The following IGF1R variants were observed in gnomAD, a reference collection of about 807,000 sequenced individuals.
The protein encoded by IGF1R is insulin like growth factor 1 receptor.
Under a neutral mutation model 144.6 loss-of-function variants are expected in IGF1R, and 44 were observed. The observed-to-expected ratio is 0.30, with a 90% CI of 0.24 to 0.39. IGF1R has a LOEUF of 0.39. Among genes scored for constraint, IGF1R ranks in the 10% least tolerant of loss-of-function variants. The pLI, the probability that IGF1R is intolerant of heterozygous loss-of-function variation, is 1.00. For missense variants in IGF1R, 1,355 were observed against 1,833.7 expected (o/e 0.74, Z 4.77); for synonymous variants, 795 against 722.8 (o/e 1.10, Z -1.60).
chr15:98,822,568 G>A (rs2141481356), intron 2 of IGF1R, among the ~76,000 whole-genome samples: 1 of 152,318 alleles, frequency 6.6e-6, no homozygotes, highest in Admixed American at 6.5e-5. Flanking sequence ...CTCGGCTTCT[G>A]GTTGGTTGGG....
At chr15:98,761,333 G>C (rs754128224) in intron 2 of IGF1R, among the ~76,000 whole-genome samples, 4 of 152,228 alleles carry the variant, frequency 2.6e-5, no homozygotes, top group Non-Finnish European at 5.9e-5. Context: ...GGGGCAGAGA[G>C]GGAGGGAGAA....
intron 2 of IGF1R, among the ~76,000 whole-genome samples, chr15:98,858,560 A>G (rs1051783696): frequency 7.9e-5 from 12 of 152,216 alleles, no homozygotes; most frequent in East Asian, 1.9e-4. Flanking sequence ...AATAACATCA[A>G]TCCACCCAAG....
At chr15:98,921,612 G>A (rs1021400007) in intron 10 of IGF1R, among the ~76,000 whole-genome samples, 4 of 152,028 alleles carry the variant, frequency 2.6e-5, no homozygotes, top group African/African-American at 4.8e-5. Flanking sequence ...CCTGGGGTCC[G>A]TGGAACTGCT....
chr15:98,795,718 T>G (rs570709881), intron 2 of IGF1R, among the ~76,000 whole-genome samples: 1 of 152,344 alleles, frequency 6.6e-6, no homozygotes, highest in Admixed American at 6.5e-5. Context: ...GCCTATTATG[T>G]GTTTCTTATA....
chr15:98,722,124 A>G (rs2054260462), intron 2 of IGF1R, among the ~76,000 whole-genome samples: 1 of 152,128 alleles, frequency 6.6e-6, no homozygotes, highest in African/African-American at 2.4e-5. Context: ...GTTTTGTGCA[A>G]GTCTCATGCT....
At chr15:98,934,550 A>G (rs112679177) in intron 15 of IGF1R, among the ~76,000 whole-genome samples, 2 of 152,144 alleles carry the variant, frequency 1.3e-5, no homozygotes, top group Non-Finnish European at 2.9e-5. Flanking sequence ...CCTATACTAG[A>G]CTTCCTTGCT....
intron 2 of IGF1R, among the ~76,000 whole-genome samples, chr15:98,865,427 C>T (rs2012376842): frequency 6.6e-6 from 1 of 152,180 alleles, no homozygotes; most frequent in Non-Finnish European, 1.5e-5. Context: ...GCTCCTGCAG[C>T]CGCCAAGGAG....
In IGF1R at chr15:98,869,524, C is replaced by T. The variant is rs1042126605; in HGVS notation, c.641-21801C>T. Among the ~76,000 whole-genome samples the T allele has an allele frequency of 1.4e-4, 21 of 151,982 alleles. 1 individual carries two copies. Among genetic ancestry groups the T allele is most frequent in the Non-Finnish European group, 2.5e-4 (17 of 68,016 alleles). On this transcript the variant is annotated intron_variant, in intron 2 of 20. Transcript: ENST00000650285. ...ATCTCCGGCTCACCGCAACCTCCAC[C>T]TCTCGGGTTCAAGCGATTCTCCTGC...
At chr15:98,843,801 T>G (rs1275263011) in intron 2 of IGF1R, among the ~76,000 whole-genome samples, 1 of 152,218 alleles carries the variant, frequency 6.6e-6, no homozygotes, top group Admixed American at 6.5e-5. Flanking sequence ...TCTATTAAAT[T>G]AACAGTTGCT....
Position 98,649,429 on chromosome 15 carries a change from T to C in IGF1R, c.-153T>C, listed in dbSNP as rs2052284040. The C allele has an allele frequency of 4.2e-6, 2 of 474,170 alleles. No homozygotes were observed. The highest frequency in any genetic ancestry group is 4.1e-5 in the African/African-American group (2 of 48,370). The allele number at this position is 474,170 out of a possible 1,614,324, so 29.4% of individuals were successfully genotyped here. On this transcript the variant is annotated 5_prime_UTR_variant, in exon 1 of 21. Transcript: ENST00000650285. ...CCCGGAGGGCCCCGGCGGCGCCGCCTTCGGAGTATTGTTTCCTTCGCCCTT... is the reference window on the plus strand; with the variant it reads ...CCCGGAGGGCCCCGGCGGCGCCGCCCTCGGAGTATTGTTTCCTTCGCCCTT...
chr15:98,857,778 G>A (rs1320328790), intron 2 of IGF1R, among the ~76,000 whole-genome samples: 1 of 152,162 alleles, frequency 6.6e-6, no homozygotes, highest in Non-Finnish European at 1.5e-5. Context: ...GGACATCACA[G>A]ATCTAACACA....
rs1462865483 is a variant in IGF1R at position 98,852,771 on chromosome 15, TTC to T, written c.641-38547_641-38546del. Among the ~76,000 whole-genome samples the T allele has an allele frequency of 2.6e-5, 4 of 152,274 alleles. No homozygotes were observed. In the South Asian group the frequency reaches 6.2e-4, roughly 24 times the overall value. ...CGTTTCCCTCCATGTCTGTTTTCCCTTCTCTCTCACCGTGGCCATTACGGGCT... is the reference window on the plus strand; with the variant it reads ...CGTTTCCCTCCATGTCTGTTTTCCCTTCTCTCACCGTGGCCATTACGGGCT... On this transcript the variant is annotated intron_variant, in intron 2 of 20. Transcript: ENST00000650285.
intron 2 of IGF1R, among the ~76,000 whole-genome samples, chr15:98,785,173 C>T (rs2055962453): frequency 2.0e-5 from 3 of 152,180 alleles, no homozygotes; most frequent in African/African-American, 4.8e-5. Context: ...CAGTAATTAA[C>T]CTCCAAATCA....
chr15:98,750,193 T>C (rs1164283624), intron 2 of IGF1R, among the ~76,000 whole-genome samples: 1 of 151,736 alleles, frequency 6.6e-6, no homozygotes, highest in Non-Finnish European at 1.5e-5. Flanking sequence ...CTGAAAGAGC[T>C]GAGAAAGGCC....
intron 19 of IGF1R, among the ~76,000 whole-genome samples, chr15:98,947,608 A>G (rs2016600973): frequency 6.6e-6 from 1 of 152,224 alleles, no homozygotes. Flanking sequence ...TGTTTTGCAG[A>G]TTCCAGCATT....
chr15:98,796,840 C>G (rs1413813772), intron 2 of IGF1R, among the ~76,000 whole-genome samples: 1 of 152,178 alleles, frequency 6.6e-6, no homozygotes, highest in African/African-American at 2.4e-5. Flanking sequence ...CAGCCTGGCA[C>G]AAAGCAGGGC....
intron 2 of IGF1R, among the ~76,000 whole-genome samples, chr15:98,828,778 T>C (rs1260082661): frequency 1.3e-5 from 2 of 151,768 alleles, no homozygotes; most frequent in Non-Finnish European, 1.5e-5. Flanking sequence ...AGCATGGTTT[T>C]TTTTTTTTTT....
intron 20 of IGF1R, among the ~76,000 whole-genome samples, chr15:98,951,300 T>C (rs2016764623): frequency 6.6e-6 from 1 of 152,210 alleles, no homozygotes; most frequent in African/African-American, 2.4e-5. Flanking sequence ...ACAGATGCAG[T>C]GGCACTGGGT....
chr15:98,949,110 T>C (rs2151727389), intron 20 of IGF1R, among the ~76,000 whole-genome samples: 1 of 152,304 alleles, frequency 6.6e-6, no homozygotes, highest in South Asian at 2.1e-4. Context: ...GCGCCCCACC[T>C]GTGGCAGGCC....
Sources: allele counts gnomAD v4.1 joint callset (sites outside exome capture counted in the v4.1 genomes callset), GRCh38; gene constraint gnomAD v4.1.1; transcripts MANE v1.5; gene names NCBI Gene and HGNC (gene_info 2026-07-23, HGNC 2026-07-21).